ATP2B2: variants seen among roughly 807,000 people sequenced by gnomAD.
The protein encoded by ATP2B2 is plasma membrane calcium-transporting ATPase 2.
A neutral mutation model predicts 120.0 loss-of-function variants in ATP2B2; 15 were observed. That is an observed-to-expected ratio of 0.12 (90% CI 0.08 to 0.19). ATP2B2 has a LOEUF of 0.19. Ranked by LOEUF, ATP2B2 falls within the 10% of genes least tolerant of loss-of-function variation. The pLI, the probability that ATP2B2 is intolerant of heterozygous loss-of-function variation, is 1.00. For synonymous variants in ATP2B2, 694 were observed against 700.3 expected (o/e 0.99, Z 0.14); for missense variants, 1,045 against 1,719.8 (o/e 0.61, Z 6.94).
chr3:10,446,525 A>AGAGTTT (rs1292105176), intron 2 of ATP2B2, among the ~76,000 whole-genome samples: 1 of 152,188 alleles, frequency 6.6e-6, no homozygotes. Flanking sequence ...GGGGGCACAA[A>AGAGTTT]GAGTTTGAGT....
chr3:10,448,396 A>G (rs937663436), intron 2 of ATP2B2, among the ~76,000 whole-genome samples: 12 of 152,180 alleles, frequency 7.9e-5, no homozygotes, highest in African/African-American at 2.9e-4. Context: ...AGAGCCTCAC[A>G]CACATGCCTG....
Position 10,326,704 on chromosome 3 carries a change from A to C in ATP2B2, c.*2110T>G. 2.5e-6 allele frequency: 1 copy of C among 399,012 alleles called. No individual in the cohort carries two copies. The highest frequency in any genetic ancestry group is 4.4e-6 in the Non-Finnish European group (1 of 226,058). 24.7% of individuals were successfully genotyped at this position (399,012 alleles called of 1,614,324 possible). A position where few individuals can be genotyped will look rare whatever the true frequency, so the allele number is the denominator to read the frequency against. On this transcript the variant is annotated 3_prime_UTR_variant, in exon 23 of 23. Coordinates refer to ENST00000360273, the MANE Select transcript of ATP2B2 (RefSeq NM_001001331.4). ...CAGTTCCTCTCCTGGATACATTCAG[A>C]GATACTTCTTCACGACATTCAGGTG...
chr3:10,531,799 G>A (rs1239601065), intron 3 of ATP2B2, among the ~76,000 whole-genome samples: 1 of 152,168 alleles, frequency 6.6e-6, no homozygotes, highest in African/African-American at 2.4e-5. Context: ...TGGGTACTTA[G>A]GGACTCCTAG....
chr3:10,694,201 G>C (rs572654815), intron 1 of ATP2B2, among the ~76,000 whole-genome samples: 1 of 152,308 alleles, frequency 6.6e-6, no homozygotes, highest in African/African-American at 2.4e-5. Flanking sequence ...GTGCACAAGT[G>C]CATATGTAGC....
At chr3:10,669,841 A>T (rs897449311) in intron 1 of ATP2B2, among the ~76,000 whole-genome samples, 1 of 152,154 alleles carries the variant, frequency 6.6e-6, no homozygotes, top group Admixed American at 6.5e-5. Flanking sequence ...CTGCTCTGTA[A>T]ATTTGTGTGG....
chr3:10,410,551 G>C, intron 3 of ATP2B2, 67 bp downstream of exon 3: 5 of 1,495,182 alleles, frequency 3.3e-6, no homozygotes, highest in Non-Finnish European at 4.5e-6. Context: ...TGAGCCGTGA[G>C]TGCCCCCCAG....
At chr3:10,607,388 G>T (rs2069115445) in intron 2 of ATP2B2, among the ~76,000 whole-genome samples, 1 of 152,166 alleles carries the variant, frequency 6.6e-6, no homozygotes, top group Non-Finnish European at 1.5e-5. Flanking sequence ...ATTGCTCCCT[G>T]ACATTTCCAT....
intron 2 of ATP2B2, among the ~76,000 whole-genome samples, chr3:10,443,589 G>A (rs1575240828): frequency 6.6e-6 from 1 of 152,170 alleles, no homozygotes; most frequent in Non-Finnish European, 1.5e-5. Context: ...GCCTGAAAAT[G>A]AAGCCAACAC....
intron 1 of ATP2B2, among the ~76,000 whole-genome samples, chr3:10,489,945 C>T (rs1046558601): frequency 1.3e-5 from 2 of 152,260 alleles, no homozygotes; most frequent in Non-Finnish European, 2.9e-5. Flanking sequence ...GGCCTGGTGC[C>T]TTCTGCCCTG....
At chr3:10,391,621 C>T (rs1201603376) in intron 5 of ATP2B2, among the ~76,000 whole-genome samples, 8 of 152,178 alleles carry the variant, frequency 5.3e-5, no homozygotes, top group Admixed American at 5.2e-4. Context: ...GCATAGTGCG[C>T]TCCCCGCCCA....
In ATP2B2 at chr3:10,597,318, G is replaced by GGC. The variant is rs199808888; in HGVS notation, c.-415+22597_-415+22598dup. Among the ~76,000 whole-genome samples the GGC allele has an allele frequency of 2.8e-3, 336 of 117,946 alleles. 1 individual carries two copies. Among genetic ancestry groups the GGC allele is most frequent in the African/African-American group, 0.011 (320 of 29,598 alleles). 77.4% of individuals were successfully genotyped at this position (117,946 alleles called of 152,430 possible). On this transcript the variant is annotated intron_variant, in intron 2 of 21. Transcript: ENST00000646379. ...ACAGGCACAGACACACAGACACATA[G>GGC]GCACACACACAGGCACACACACAGG... is the stretch of plus-strand genomic sequence containing the variant.
intron 7 of ATP2B2, among the ~76,000 whole-genome samples, chr3:10,385,559 G>C (rs1383837273): frequency 6.6e-6 from 1 of 152,200 alleles, no homozygotes. Context: ...AATAAAGCAT[G>C]GTGGATGACC....
intron 1 of ATP2B2, among the ~76,000 whole-genome samples, chr3:10,504,796 G>A (rs2066549447): frequency 1.3e-5 from 2 of 152,128 alleles, no homozygotes; most frequent in South Asian, 2.1e-4. Context: ...CTGGGCAGAG[G>A]GTGCCGACTC....
chr3:10,459,910 C>T (rs2064415896), intron 1 of ATP2B2, among the ~76,000 whole-genome samples: 1 of 152,246 alleles, frequency 6.6e-6, no homozygotes, highest in African/African-American at 2.4e-5. Context: ...CATACACAGG[C>T]ACTCTTAACA....
intron 2 of ATP2B2, among the ~76,000 whole-genome samples, chr3:10,425,558 A>C (rs2063121540): frequency 6.6e-6 from 1 of 152,094 alleles, no homozygotes; most frequent in Admixed American, 6.5e-5. Context: ...CTGGCTGTGA[A>C]GATTAAAATA....
chr3:10,668,687 C>T (rs941396321), intron 1 of ATP2B2, among the ~76,000 whole-genome samples: 2 of 152,138 alleles, frequency 1.3e-5, no homozygotes, highest in African/African-American at 2.4e-5. Context: ...CCCAATCCCT[C>T]GGTCCTATTT....
At chr3:10,477,288 T>C (rs2065240583) in intron 1 of ATP2B2, among the ~76,000 whole-genome samples, 1 of 152,254 alleles carries the variant, frequency 6.6e-6, no homozygotes, top group Non-Finnish European at 1.5e-5. Context: ...GAAGATGCTC[T>C]TCTGCGTTCG....
intron 1 of ATP2B2, among the ~76,000 whole-genome samples, chr3:10,494,518 GC>G (rs1251755632): frequency 6.6e-6 from 1 of 152,134 alleles, no homozygotes; most frequent in African/African-American, 2.4e-5. Context: ...CAGTTAAGAT[GC>G]CACAATTCTG....
upstream of ATP2B2, among the ~76,000 whole-genome samples, chr3:10,508,662 T>A (rs577219439): frequency 6.6e-4 from 101 of 152,342 alleles, no homozygotes; most frequent in Middle Eastern, 3.4e-3. Context: ...TGCCTTCTCT[T>A]CCTGCAGCAG....
Sources: gnomAD v4.1 joint callset for allele counts (sites outside exome capture counted in the v4.1 genomes callset) on GRCh38, gnomAD v4.1.1 for gene constraint, MANE v1.5 for transcripts, NCBI Gene and HGNC (gene_info 2026-07-23, HGNC 2026-07-21) for gene names.